The following SORCS1 variants were observed in gnomAD, a reference collection of about 807,000 sequenced individuals.
The protein encoded by SORCS1 is VPS10 domain-containing receptor SorCS1.
Under a neutral mutation model 146.1 loss-of-function variants are expected in SORCS1, and 60 were observed. That is an observed-to-expected ratio of 0.41 (90% CI 0.33 to 0.51). SORCS1 has a LOEUF of 0.51. Among genes scored for constraint, SORCS1 ranks in the 20% least tolerant of loss-of-function variants. The pLI is 0.21. For synonymous variants in SORCS1, 637 were observed against 584.0 expected, an observed-to-expected ratio of 1.09 and a Z score of -1.31; for missense variants, 1,352 against 1,487.6, an observed-to-expected ratio of 0.91 and a Z score of 1.50.
intron 24 of SORCS1, among the ~76,000 whole-genome samples, chr10:106,594,038 C>T (rs920534934): frequency 6.6e-5 from 10 of 152,190 alleles, no homozygotes; most frequent in African/African-American, 2.4e-4. Context: ...ATTAACATAT[C>T]ATGGTTATCA....
At chr10:106,738,575 G>A (rs765759308) in intron 5 of SORCS1, among the ~76,000 whole-genome samples, 10 of 152,212 alleles carry the variant, frequency 6.6e-5, no homozygotes, top group East Asian at 3.9e-4. Context: ...GAGATCCTGC[G>A]TGGGGCCAGA....
intron 7 of SORCS1, among the ~76,000 whole-genome samples, chr10:106,708,617 C>T (rs1308280397): frequency 1.3e-5 from 2 of 152,200 alleles, no homozygotes; most frequent in African/African-American, 4.8e-5. Flanking sequence ...GCTTCTTAAA[C>T]TGTTCTCCAC....
At chr10:106,816,714 T>C (rs982254696) in intron 3 of SORCS1, among the ~76,000 whole-genome samples, 2 of 152,114 alleles carry the variant, frequency 1.3e-5, no homozygotes, top group Non-Finnish European at 2.9e-5. Flanking sequence ...AAAGAAAGCA[T>C]ACATTTTCTT....
chr10:106,667,781 G>T lies in SORCS1; in HGVS notation c.2211C>A (p.His737Gln), dbSNP rs1851277784. The T allele has an allele frequency of 1.9e-6, 3 of 1,613,850 alleles. No individual in the cohort carries two copies. The highest frequency in any genetic ancestry group is 1.3e-5 in the African/African-American group (1 of 74,912). ...DFDCDYGYERHSNGQCLPAFW... is the reference protein window; with the variant it reads ...DFDCDYGYERQSNGQCLPAFW... Reference sequence around the variant, plus strand: ...ATGCCGGCAGGCACTGGCCATTGCTGTGTCGCTCATAACCATAGTCGCTGT... The same window carrying T: ...ATGCCGGCAGGCACTGGCCATTGCTTTGTCGCTCATAACCATAGTCGCTGT... Residue 737 changes from histidine (H) to glutamine (Q), a missense_variant, in exon 17 of 26, where the codon CAC becomes CAA. His to Gln is a conservative substitution (Grantham distance 24, BLOSUM62 0). This residue lies in a region of SORCS1 where 648 missense variants were observed against 793.8 expected (regional missense o/e 0.82). Transcript: ENST00000263054.
At chr10:107,128,398 C>A (rs966295582) in intron 1 of SORCS1, among the ~76,000 whole-genome samples, 4 of 152,006 alleles carry the variant, frequency 2.6e-5, no homozygotes, top group African/African-American at 9.7e-5. Flanking sequence ...AGTCGCTGGG[C>A]AAGGAGGAAA....
chr10:106,839,096 A>G (rs1948911287), intron 2 of SORCS1, among the ~76,000 whole-genome samples: 1 of 152,138 alleles, frequency 6.6e-6, no homozygotes, highest in African/African-American at 2.4e-5. Context: ...AGGCCAATGA[A>G]TAACTCTACA....
At chr10:107,067,621 G>T (rs1191182856) in intron 1 of SORCS1, among the ~76,000 whole-genome samples, 6 of 152,158 alleles carry the variant, frequency 3.9e-5, no homozygotes. Context: ...CTACTTTCAT[G>T]ATTTTATATA....
rs376341090 is a variant in SORCS1 at position 106,956,598 on chromosome 10, A to C, written c.559-18T>G. 408 of 1,611,408 alleles carry C rather than the reference A, an allele frequency of 2.5e-4. 2 individuals carry two copies. In the African/African-American group the frequency reaches 4.1e-3, roughly 16 times the overall value. On this transcript the variant is annotated intron_variant, in intron 1 of 25. Coordinates refer to ENST00000263054, the MANE Select transcript of SORCS1 (RefSeq NM_052918.5). ...AGAATCACCTGAAGGCAAAAGAAGAAATCATGGTTAGTCTCAAACAATTAC... is the reference window on the plus strand; with the variant it reads ...AGAATCACCTGAAGGCAAAAGAAGACATCATGGTTAGTCTCAAACAATTAC...
At chr10:107,139,191 A>G (rs951414001) in intron 1 of SORCS1, among the ~76,000 whole-genome samples, 2 of 152,220 alleles carry the variant, frequency 1.3e-5, no homozygotes, top group African/African-American at 4.8e-5. Context: ...CTTTCTTTAA[A>G]AAGAAATTGC....
At chr10:106,804,325 C>CT (rs1947056391) in intron 3 of SORCS1, among the ~76,000 whole-genome samples, 1 of 139,316 alleles carries the variant, frequency 7.2e-6, no homozygotes, top group Non-Finnish European at 1.5e-5. Flanking sequence ...GAGTGAAACT[C>CT]TGTTTCCGAA....
intron 24 of SORCS1, among the ~76,000 whole-genome samples, chr10:106,596,559 G>A (rs1283812617): frequency 6.6e-6 from 1 of 152,114 alleles, no homozygotes; most frequent in Non-Finnish European, 1.5e-5. Context: ...CTTCTCAGTT[G>A]AAGAGATGGA....
chr10:107,050,573 C>A (rs1960007339), intron 1 of SORCS1, among the ~76,000 whole-genome samples: 1 of 152,078 alleles, frequency 6.6e-6, no homozygotes, highest in South Asian at 2.1e-4. Context: ...CACAAAATGG[C>A]TTTAGTGGCA....
At chr10:106,982,519 G>C (rs1353243468) in intron 1 of SORCS1, among the ~76,000 whole-genome samples, 1 of 152,132 alleles carries the variant, frequency 6.6e-6, no homozygotes, top group Non-Finnish European at 1.5e-5. Flanking sequence ...ATTTTAAGGG[G>C]GAGTAGGGGG....
chr10:106,774,732 A>C (rs1055917761), intron 4 of SORCS1, among the ~76,000 whole-genome samples: 1 of 152,156 alleles, frequency 6.6e-6, no homozygotes, highest in Non-Finnish European at 1.5e-5. Context: ...TATAATATTC[A>C]GTGACAGCAC....
chr10:106,592,096 C>T (rs1845636798), intron 24 of SORCS1, among the ~76,000 whole-genome samples: 1 of 152,208 alleles, frequency 6.6e-6, no homozygotes, highest in Non-Finnish European at 1.5e-5. Context: ...ATGACCCTCC[C>T]TCAACCTTCT....
intron 1 of SORCS1, among the ~76,000 whole-genome samples, chr10:107,013,392 A>G (rs1218843980): frequency 6.6e-6 from 1 of 152,004 alleles, no homozygotes; most frequent in East Asian, 1.9e-4. Flanking sequence ...CTGAGATGGA[A>G]CCTGACACCA....
chr10:106,840,863 ATT>A (rs59611702), intron 2 of SORCS1, among the ~76,000 whole-genome samples: 3,235 of 123,986 alleles, frequency 0.026, 88 homozygotes, highest in South Asian at 0.094. Flanking sequence ...ATATATATAT[ATT>A]TTTTTTTTTT....
intron 3 of SORCS1, among the ~76,000 whole-genome samples, chr10:106,801,739 C>A (rs919068105): frequency 2.0e-5 from 3 of 152,020 alleles, no homozygotes; most frequent in Non-Finnish European, 2.9e-5. Context: ...ACTGTGTTAG[C>A]CAGGACGGTC....
chr10:106,776,896 A>T (rs934003270), intron 3 of SORCS1, among the ~76,000 whole-genome samples: 2 of 152,162 alleles, frequency 1.3e-5, no homozygotes, highest in Non-Finnish European at 2.9e-5. Context: ...AAATGAAGGG[A>T]GTAGGAGAAG....
Sources: gnomAD v4.1 joint callset for allele counts (sites outside exome capture counted in the v4.1 genomes callset) on GRCh38, gnomAD v4.1.1 for gene constraint, gnomAD v4.1.1 regional missense constraint, MANE v1.5 for transcripts, NCBI Gene and HGNC (gene_info 2026-07-23, HGNC 2026-07-21) for gene names.